SORCS3: variants seen among roughly 807,000 people sequenced by gnomAD.
SORCS3 encodes sortilin related VPS10 domain containing receptor 3.
A neutral mutation model predicts 146.3 loss-of-function variants in SORCS3; 57 were observed. The observed-to-expected ratio is 0.39, with a 90% confidence interval of 0.31 to 0.49. SORCS3 has a LOEUF of 0.49. Ranked by LOEUF, SORCS3 falls within the 20% of genes least tolerant of loss-of-function variation. SORCS3 has a pLI of 0.92. For synonymous variants in SORCS3, 653 were observed against 618.5 expected (o/e 1.06, Z -0.83); for missense variants, 1,341 against 1,575.5 (o/e 0.85, Z 2.52).
intron 3 of SORCS3, among the ~76,000 whole-genome samples, chr10:104,940,234 ATATATTTT>A (rs1319308804): frequency 3.0e-3 from 72 of 24,236 alleles, no homozygotes; most frequent in African/African-American, 7.0e-3. Flanking sequence ...ATATATATAT[ATATATTTT>A]TTTTTTTTTT....
chr10:105,022,310 T>C (rs1374301001), intron 4 of SORCS3, among the ~76,000 whole-genome samples: 3 of 145,056 alleles, frequency 2.1e-5, no homozygotes, highest in Non-Finnish European at 4.6e-5. Flanking sequence ...TTTTTTTTTT[T>C]TTTCGAGACG....
At chr10:105,242,907 ATATATATAATATATATGATATATAAAT>A (rs1196335959) in intron 20 of SORCS3, among the ~76,000 whole-genome samples, 20 of 64,768 alleles carry the variant, frequency 3.1e-4, no homozygotes, top group African/African-American at 7.0e-4. Context: ...TATATAAATT[ATATATATAATATATATGATATATAAAT>A]TATATATAAT....
At chr10:104,843,849 G>A (rs1313477956) in intron 2 of SORCS3, among the ~76,000 whole-genome samples, 1 of 152,220 alleles carries the variant, frequency 6.6e-6, no homozygotes, top group Non-Finnish European at 1.5e-5. Flanking sequence ...GAGGTGTTGT[G>A]TGTTTTCTCC....
chr10:104,865,376 C>T (rs1303910817), intron 2 of SORCS3, among the ~76,000 whole-genome samples: 7 of 152,148 alleles, frequency 4.6e-5, no homozygotes, highest in African/African-American at 1.7e-4. Flanking sequence ...TCAATCTCTT[C>T]CTTTTTGAAC....
At chr10:105,131,415 A>T (rs558820275) in intron 7 of SORCS3, among the ~76,000 whole-genome samples, 1 of 152,262 alleles carries the variant, frequency 6.6e-6, no homozygotes, top group East Asian at 1.9e-4. Flanking sequence ...AAGCTTCCAC[A>T]TGTCATTTCT....
chr10:104,875,043 A>C (rs1296064020), intron 2 of SORCS3, among the ~76,000 whole-genome samples: 2 of 152,146 alleles, frequency 1.3e-5, no homozygotes, highest in Non-Finnish European at 1.5e-5. Flanking sequence ...ATTTGAATAC[A>C]TGATGTCTTC....
At chr10:105,160,306 G>T (rs1219810972) in intron 11 of SORCS3, among the ~76,000 whole-genome samples, 2 of 152,140 alleles carry the variant, frequency 1.3e-5, no homozygotes, top group Admixed American at 6.5e-5. Context: ...AGAATTGCAG[G>T]ATATAATGAA....
At chr10:104,830,712 A>G (rs922138163) in intron 1 of SORCS3, among the ~76,000 whole-genome samples, 1 of 152,204 alleles carries the variant, frequency 6.6e-6, no homozygotes, top group Non-Finnish European at 1.5e-5. Context: ...TTGTGGGGTG[A>G]GAGTAAACAG....
At chr10:104,652,305 A>G (rs182681261) in intron 1 of SORCS3, among the ~76,000 whole-genome samples, 43 of 152,340 alleles carry the variant, frequency 2.8e-4, no homozygotes, top group Admixed American at 2.5e-3. Flanking sequence ...CGTCACCTAT[A>G]AAATGAAAAA....
At chr10:104,927,837 C>T (rs2019164388) in intron 3 of SORCS3, among the ~76,000 whole-genome samples, 1 of 150,704 alleles carries the variant, frequency 6.6e-6, no homozygotes, top group African/African-American at 2.5e-5. Flanking sequence ...GAGATCGTAC[C>T]ATTGCACTCC....
At chr10:105,056,319 G>C (rs1018611284) in intron 5 of SORCS3, among the ~76,000 whole-genome samples, 1 of 152,172 alleles carries the variant, frequency 6.6e-6, no homozygotes, top group African/African-American at 2.4e-5. Context: ...TACTCAGTAA[G>C]TGCCTTCTGC....
chr10:104,825,892 T>C (rs1436436983), intron 1 of SORCS3, among the ~76,000 whole-genome samples: 1 of 152,214 alleles, frequency 6.6e-6, no homozygotes, highest in Non-Finnish European at 1.5e-5. Flanking sequence ...CAGCCATTTT[T>C]CACAGTCTCC....
chr10:104,898,443 GT>G (rs2018820345), intron 2 of SORCS3, among the ~76,000 whole-genome samples: 1 of 152,134 alleles, frequency 6.6e-6, no homozygotes, highest in Admixed American at 6.5e-5. Flanking sequence ...TTAGCTTAAA[GT>G]TTCCTTGGGG....
intron 2 of SORCS3, among the ~76,000 whole-genome samples, chr10:104,900,531 A>G (rs2018840992): frequency 1.3e-5 from 2 of 152,116 alleles, no homozygotes; most frequent in African/African-American, 4.8e-5. Context: ...TTCTTAGCAG[A>G]TATGTAGGAG....
At chr10:104,837,431 C>T (rs947618596) in intron 1 of SORCS3, among the ~76,000 whole-genome samples, 8 of 152,170 alleles carry the variant, frequency 5.3e-5, no homozygotes, top group African/African-American at 1.9e-4. Context: ...GTGTGTATGT[C>T]TGTATATAGC....
intron 1 of SORCS3, among the ~76,000 whole-genome samples, chr10:104,700,017 A>G (rs1486586304): frequency 1.3e-5 from 2 of 152,236 alleles, no homozygotes; most frequent in Non-Finnish European, 2.9e-5. Context: ...CAAACATAAT[A>G]TGCCACAGAC....
intron 2 of SORCS3, among the ~76,000 whole-genome samples, chr10:104,877,723 C>T (rs1286023820): frequency 1.3e-5 from 2 of 152,084 alleles, no homozygotes; most frequent in Non-Finnish European, 2.9e-5. Context: ...GGAAATTGTG[C>T]CAGGTGATAA....
intron 1 of SORCS3, among the ~76,000 whole-genome samples, chr10:104,818,354 C>CTTCCTTCCTTCCT (rs1554852884): frequency 1.3e-5 from 1 of 78,630 alleles, no homozygotes; most frequent in Non-Finnish European, 2.8e-5. Context: ...TTTCTTTCTT[C>CTTCCTTCCTTCCT]TCCTTTCTTC....
chr10:104,829,771 T>A (rs774948231), intron 1 of SORCS3, among the ~76,000 whole-genome samples: 4 of 152,182 alleles, frequency 2.6e-5, no homozygotes, highest in Non-Finnish European at 5.9e-5. Context: ...AGGGATCTGG[T>A]CACCCTCTTC....
Sources: allele counts gnomAD v4.1 joint callset (sites outside exome capture counted in the v4.1 genomes callset), GRCh38; gene constraint gnomAD v4.1.1; transcripts MANE v1.5; gene names NCBI Gene and HGNC (gene_info 2026-07-23, HGNC 2026-07-21).